The following NFKB1 variants were observed in gnomAD, a reference collection of about 807,000 sequenced individuals.
NFKB1 encodes the protein nuclear factor kappa B subunit 1.
NFKB1 carries 9 observed loss-of-function variants against 105.1 expected under a neutral mutation model. That is an observed-to-expected ratio of 0.09 (90% confidence interval 0.05 to 0.15). The LOEUF (loss-of-function observed/expected upper bound fraction) is 0.15. NFKB1 is among the 10% of genes least tolerant of loss of function. The pLI, the probability that NFKB1 is intolerant of heterozygous loss-of-function variation, is 1.00. For synonymous variants in NFKB1, 440 were observed against 442.2 expected (o/e 1.00, Z 0.06); for missense variants, 830 against 1,203.7 (o/e 0.69, Z 4.59).
chr4:102,558,318 G>A (rs755288895), intron 5 of NFKB1, among the ~76,000 whole-genome samples: 4 of 151,860 alleles, frequency 2.6e-5, no homozygotes, highest in Non-Finnish European at 4.4e-5. Flanking sequence ...TTCTGTTCTC[G>A]TGTTAGTTTG....
rs200317512 is a variant in NFKB1 at position 102,573,208 on chromosome 4, C to T, written c.408-3668C>T. Among the ~76,000 whole-genome samples, 17 of 151,926 alleles carry T rather than the reference C, an allele frequency of 1.1e-4. No individual in the cohort carries two copies. In the East Asian group the frequency reaches 3.3e-3, roughly 29 times the overall value. On this transcript the variant is annotated intron_variant, in intron 6 of 23. Coordinates refer to ENST00000226574, the MANE Select transcript of NFKB1 (RefSeq NM_003998.4). ...CTGTAATCCCAGCTACTCGAGAGGC[C>T]GAGGCAGGAGAATCACTTGAACCTG...
chr4:102,589,031 G>C (rs898290463), intron 11 of NFKB1, among the ~76,000 whole-genome samples: 1 of 152,158 alleles, frequency 6.6e-6, no homozygotes. Context: ...ATTCTGTGGA[G>C]ATTCAAACAG....
chr4:102,616,443 G>A lies in NFKB1; in HGVS notation c.2759G>A (p.Arg920Gln), dbSNP rs368962343. 9.3e-6 allele frequency: 15 copies of A among 1,613,816 alleles called. No homozygotes were observed. Among genetic ancestry groups the A allele is most frequent in the South Asian group, 5.5e-5 (5 of 91,054 alleles). ...ASTRQQIDELRDSDSVCDSGV... is the reference protein window; with the variant it reads ...ASTRQQIDELQDSDSVCDSGV... The stretch of plus-strand genomic sequence containing the variant: ...TGCTTTCTCCCCTCAGACGAGCTCC[G>A]AGACAGTGACAGTGTCTGCGACAGC... Residue 920 changes from arginine to glutamine, a missense_variant, in exon 24 of 24, where the codon CGA (arginine) becomes CAA (glutamine). Transcript: ENST00000226574.
chr4:102,553,040 A>G (rs903552589), intron 5 of NFKB1, among the ~76,000 whole-genome samples: 1 of 152,204 alleles, frequency 6.6e-6, no homozygotes, highest in South Asian at 2.1e-4. Flanking sequence ...CTCTTAATTT[A>G]GTAGGGGCTT....
intron 6 of NFKB1, among the ~76,000 whole-genome samples, chr4:102,575,759 C>A (rs996709638): frequency 6.6e-6 from 1 of 152,164 alleles, no homozygotes; most frequent in Admixed American, 6.5e-5. Context: ...TTTTCTACTA[C>A]CTCTCCTGTT....
intron 1 of NFKB1, among the ~76,000 whole-genome samples, chr4:102,517,769 C>A (rs542247809): frequency 6.6e-6 from 1 of 152,236 alleles, no homozygotes; most frequent in South Asian, 2.1e-4. Flanking sequence ...TTTCAGGATG[C>A]AGGGCATATT....
chr4:102,615,905 T>G (rs1170565991), intron 23 of NFKB1, among the ~76,000 whole-genome samples: 1 of 152,260 alleles, frequency 6.6e-6, no homozygotes, highest in Non-Finnish European at 1.5e-5. Context: ...CAAAGGGAAT[T>G]CAACCTGATT....
At chr4:102,525,803 T>G (rs1194878078) in intron 2 of NFKB1, among the ~76,000 whole-genome samples, 1 of 152,210 alleles carries the variant, frequency 6.6e-6, no homozygotes, top group African/African-American at 2.4e-5. Flanking sequence ...GCTATTGTAT[T>G]AGCTTTCTAG....
At position 102,538,331 on chromosome 4, in the gene NFKB1, A is replaced by G. The variant is rs550211995; in HGVS notation, c.258+375A>G. 2.0e-5 allele frequency among the ~76,000 whole-genome samples: 3 copies of G among 152,348 alleles called. No homozygotes were observed. The South Asian group carries it at 6.2e-4, about 32-fold the overall frequency. On this transcript the variant is annotated intron_variant, in intron 5 of 23. Transcript: ENST00000226574. ...ACAAGTGACTGAGTGTATGGATTAT[A>G]TAGTATATTATTTAAGATTATGAAT...
chr4:102,543,727 C>T (rs1721906791), intron 5 of NFKB1, among the ~76,000 whole-genome samples: 2 of 152,100 alleles, frequency 1.3e-5, no homozygotes, highest in South Asian at 4.1e-4. Flanking sequence ...ATCACATATC[C>T]TTGCATAATC....
intron 5 of NFKB1, among the ~76,000 whole-genome samples, chr4:102,558,031 CTTTTTTT>C (rs575415233): frequency 7.6e-6 from 1 of 130,878 alleles, no homozygotes; most frequent in Non-Finnish European, 1.6e-5. Flanking sequence ...GATATCTAGC[CTTTTTTT>C]TTTTTTTTTT....
At chr4:102,580,510 T>C in intron 8 of NFKB1, 25 bp from the exon 9 acceptor site, 3 of 1,594,070 alleles carry the variant, frequency 1.9e-6, no homozygotes, top group Non-Finnish European at 2.6e-6. Flanking sequence ...AATCATGTTA[T>C]TTGTTGTTTT....
In NFKB1 at chr4:102,616,878, A is replaced by C; in HGVS notation, c.*284A>C. On this transcript the variant is annotated 3_prime_UTR_variant, in exon 24 of 24. Coordinates refer to ENST00000226574, the MANE Select transcript of NFKB1 (RefSeq NM_003998.4). Reference sequence around the variant, plus strand: ...AAGCTTTGCCAGCTGCTGCTGGATCACAGCTGCTTTCTGTTGTCATTGCTG... The same window carrying C: ...AAGCTTTGCCAGCTGCTGCTGGATCCCAGCTGCTTTCTGTTGTCATTGCTG... The C allele has an allele frequency of 3.5e-6, 1 of 282,722 alleles. No individual in the cohort carries two copies. The highest frequency in any genetic ancestry group is 7.2e-5 in the East Asian group (1 of 13,884). The allele number at this position is 282,722 out of a possible 1,614,324, so 17.5% of individuals were successfully genotyped here. A position where few individuals can be genotyped will look rare whatever the true frequency, so the allele number is the denominator to read the frequency against.
At chr4:102,526,584 A>G (rs1740928979) in intron 2 of NFKB1, among the ~76,000 whole-genome samples, 1 of 152,148 alleles carries the variant, frequency 6.6e-6, no homozygotes, top group South Asian at 2.1e-4. Flanking sequence ...GAATTTGAAG[A>G]TCTTTATATA....
At chr4:102,545,819 T>C (rs1210049156) in intron 5 of NFKB1, among the ~76,000 whole-genome samples, 3 of 152,162 alleles carry the variant, frequency 2.0e-5, no homozygotes, top group Non-Finnish European at 4.4e-5. Flanking sequence ...CATGCCATTA[T>C]ATAATGGCAA....
chr4:102,502,220 A>C (rs1739095771), intron 1 of NFKB1: 1 of 152,352 alleles, frequency 6.6e-6, no homozygotes, highest in Non-Finnish European at 1.5e-5. Flanking sequence ...GCGTTCCATG[A>C]AATGAAAGCA....
At chr4:102,567,450 T>C (rs958655422) in intron 6 of NFKB1, among the ~76,000 whole-genome samples, 11 of 152,072 alleles carry the variant, frequency 7.2e-5, no homozygotes, top group African/African-American at 2.2e-4. Context: ...CCACTATTAA[T>C]TTTTTTTCTC....
chr4:102,502,390 G>GCTCACACACA (rs1311577382), intron 1 of NFKB1, among the ~76,000 whole-genome samples: 1 of 105,396 alleles, frequency 9.5e-6, no homozygotes, highest in African/African-American at 4.2e-5. Flanking sequence ...GCGCGCGCGC[G>GCTCACACACA]CACACACACA....
At chr4:102,554,482 T>C (rs970452195) in intron 5 of NFKB1, among the ~76,000 whole-genome samples, 5 of 152,202 alleles carry the variant, frequency 3.3e-5, no homozygotes, top group African/African-American at 1.2e-4. Flanking sequence ...GCACAGTTTA[T>C]TCAGACTCTC....
Sources: gnomAD v4.1 joint callset for allele counts (sites outside exome capture counted in the v4.1 genomes callset) on GRCh38, gnomAD v4.1.1 for gene constraint, MANE v1.5 for transcripts, NCBI Gene and HGNC (gene_info 2026-07-23, HGNC 2026-07-21) for gene names.